The following IGSF5 variants were observed in gnomAD, a reference collection of about 807,000 sequenced individuals.
The protein encoded by IGSF5 is immunoglobulin superfamily member 5.
Under a neutral mutation model 39.4 loss-of-function variants are expected in IGSF5, and 41 were observed. That is an observed-to-expected ratio of 1.04 (90% CI 0.81 to 1.35). IGSF5 has a LOEUF of 1.35. Among genes scored for constraint, IGSF5 ranks in the 40% most tolerant of loss-of-function variants. IGSF5 has a pLI of 0.00. For missense variants in IGSF5, 487 were observed against 494.6 expected (o/e 0.98, Z 0.15); for synonymous variants, 183 against 175.3 (o/e 1.04, Z -0.34).
At chr21:39,792,833 G>A (rs759430473) in intron 7 of IGSF5, among the ~76,000 whole-genome samples, 3 of 152,142 alleles carry the variant, frequency 2.0e-5, no homozygotes, top group Non-Finnish European at 4.4e-5. Flanking sequence ...ATTGAAGGCC[G>A]ATGAGAGGGG....
chr21:39,719,697 C>T, the IGSF5 span, among the ~76,000 whole-genome samples: 1 of 152,234 alleles, frequency 6.6e-6, no homozygotes, highest in Non-Finnish European at 1.5e-5. Context: ...TCACACCACT[C>T]TCACTAAGGG....
At chr21:39,723,401 A>C in the IGSF5 span, among the ~76,000 whole-genome samples, 2 of 152,204 alleles carry the variant, frequency 1.3e-5, no homozygotes, top group Admixed American at 1.3e-4. Context: ...TTCTGCTAGC[A>C]AGATGGAAGC....
the IGSF5 span, among the ~76,000 whole-genome samples, chr21:39,724,067 A>AAAAATAAAATAAAATAAAATAAAAT: frequency 2.2e-5 from 3 of 136,976 alleles, no homozygotes; most frequent in African/African-American, 8.2e-5. Context: ...CCCTGTCTCA[A>AAAAATAAAATAAAATAAAATAAAAT]AAAATAAAAT....
chr21:39,752,172 C>T (rs2080008908), intron 2 of IGSF5, among the ~76,000 whole-genome samples: 1 of 152,100 alleles, frequency 6.6e-6, no homozygotes, highest in South Asian at 2.1e-4. Flanking sequence ...TCACCCCGTT[C>T]CTCCCTGAGT....
the IGSF5 span, among the ~76,000 whole-genome samples, chr21:39,725,586 T>G: frequency 6.6e-6 from 1 of 152,196 alleles, no homozygotes; most frequent in Admixed American, 6.5e-5. Context: ...ACAAGTTTCC[T>G]CCTTCAGGGA....
the IGSF5 span, among the ~76,000 whole-genome samples, chr21:39,726,360 G>A: frequency 1.3e-5 from 2 of 152,222 alleles, no homozygotes; most frequent in African/African-American, 4.8e-5. Context: ...GAAGATTGGA[G>A]TCTACAAAGG....
In IGSF5 at chr21:39,765,530, TC is replaced by T. The variant is rs11308937; in HGVS notation, c.101-3del. 0.052 allele frequency: 83,880 copies of T among 1,607,940 alleles called. 3,262 individuals are homozygous for T. The highest frequency in any genetic ancestry group is 0.18 in the East Asian group (7,849 of 44,662). On this transcript the variant is annotated splice_region_variant and splice_polypyrimidine_tract_variant and intron_variant, in intron 2 of 8. Transcript: ENST00000380588. Reference sequence around the variant, plus strand: ...TAACAACTTGAAAAATTGGCTACCTTCCAGGTTCTGGGTCTGGTAATGAAGT... The same window carrying T: ...TAACAACTTGAAAAATTGGCTACCTTCAGGTTCTGGGTCTGGTAATGAAGT...
chr21:39,778,266 A>C (rs1367309677), intron 4 of IGSF5, among the ~76,000 whole-genome samples: 1 of 152,212 alleles, frequency 6.6e-6, no homozygotes, highest in Non-Finnish European at 1.5e-5. Context: ...CAACTGAGGC[A>C]CTGAATATTT....
intron 8 of IGSF5, among the ~76,000 whole-genome samples, chr21:39,795,680 A>C (rs2086992106): frequency 6.6e-6 from 1 of 152,050 alleles, no homozygotes; most frequent in South Asian, 2.1e-4. Context: ...AGAGAAACTT[A>C]AGAGTTTTCT....
chr21:39,777,354 C>T (rs989041748), intron 4 of IGSF5, among the ~76,000 whole-genome samples: 1 of 152,206 alleles, frequency 6.6e-6, no homozygotes, highest in Non-Finnish European at 1.5e-5. Flanking sequence ...ATCAGAATCA[C>T]TTGGGGTATC....
chr21:39,762,319 A>G (rs1376890529), intron 2 of IGSF5, among the ~76,000 whole-genome samples: 2 of 152,178 alleles, frequency 1.3e-5, no homozygotes, highest in African/African-American at 4.8e-5. Context: ...AGTTTTATAC[A>G]TTTTAGGGAG....
Position 39,792,720 on chromosome 21 carries a change from T to C in IGSF5, c.1048+621T>C, listed in dbSNP as rs2086972499. Among the ~76,000 whole-genome samples the C allele has an allele frequency of 1.3e-5, 2 of 152,040 alleles. 1 individual carries two copies. The highest frequency in any genetic ancestry group is 4.1e-4 in the South Asian group (2 of 4,820). ...GAAAACTAGACCTACTTTTGGAGAGTCTTGCTGTAGTATCTCATTTTCTTG... is the reference window on the plus strand; with the variant it reads ...GAAAACTAGACCTACTTTTGGAGAGCCTTGCTGTAGTATCTCATTTTCTTG... On this transcript the variant is annotated intron_variant, in intron 7 of 8. Coordinates refer to ENST00000380588, the MANE Select transcript of IGSF5 (RefSeq NM_001080444.2).
At chr21:39,762,344 T>C (rs2080065556) in intron 2 of IGSF5, among the ~76,000 whole-genome samples, 1 of 152,140 alleles carries the variant, frequency 6.6e-6, no homozygotes, top group East Asian at 1.9e-4. Flanking sequence ...GAGACATCAA[T>C]CAAATACATG....
chr21:39,790,245 G>A (rs1204323082), intron 6 of IGSF5, among the ~76,000 whole-genome samples: 1 of 152,166 alleles, frequency 6.6e-6, no homozygotes, highest in East Asian at 1.9e-4. Flanking sequence ...CCATACCGTG[G>A]CACGTGAGTG....
At chr21:39,789,544 T>C (rs1422650968) in intron 6 of IGSF5, among the ~76,000 whole-genome samples, 2 of 152,170 alleles carry the variant, frequency 1.3e-5, no homozygotes, top group Non-Finnish European at 2.9e-5. Flanking sequence ...CCTTTCACGA[T>C]GTCCATGGTG....
the IGSF5 span, among the ~76,000 whole-genome samples, chr21:39,718,057 C>T: frequency 2.6e-5 from 4 of 151,572 alleles, no homozygotes; most frequent in Admixed American, 2.0e-4. Flanking sequence ...AGAGATCTTT[C>T]ACATCCCTGG....
chr21:39,750,420 A>G (rs554928297), intron 2 of IGSF5, among the ~76,000 whole-genome samples: 1 of 149,490 alleles, frequency 6.7e-6, no homozygotes, highest in Admixed American at 6.8e-5. Context: ...AGGCTGGAGG[A>G]CTGCTTGAGC....
At chr21:39,731,544 G>A in the IGSF5 span, among the ~76,000 whole-genome samples, 2 of 152,162 alleles carry the variant, frequency 1.3e-5, no homozygotes, top group East Asian at 1.9e-4. Flanking sequence ...TTTTTCCTCC[G>A]GCTAGCAGCA....
chr21:39,760,022 A>T (rs1049558304), intron 2 of IGSF5, among the ~76,000 whole-genome samples: 2 of 152,104 alleles, frequency 1.3e-5, no homozygotes, highest in African/African-American at 4.8e-5. Flanking sequence ...AATGAATGCA[A>T]ATTTGTAATG....
Sources: gnomAD v4.1 joint callset for allele counts (sites outside exome capture counted in the v4.1 genomes callset) on GRCh38, gnomAD v4.1.1 for gene constraint, MANE v1.5 for transcripts, NCBI Gene and HGNC (gene_info 2026-07-23, HGNC 2026-07-21) for gene names.